FGF1: variants seen among roughly 807,000 people sequenced by gnomAD.
FGF1 encodes beta-endothelial cell growth factor.
FGF1 carries 9 observed loss-of-function variants against 13.4 expected under a neutral mutation model. That is an observed-to-expected ratio of 0.67 (90% CI 0.40 to 1.17). The LOEUF (loss-of-function observed/expected upper bound fraction) is 1.17. FGF1 is among the 50% of genes most tolerant of loss of function. The pLI, the probability that FGF1 is intolerant of heterozygous loss-of-function variation, is 0.01. For synonymous variants in FGF1, 93 were observed against 79.0 expected (o/e 1.18, Z -0.94); for missense variants, 156 against 192.7 (o/e 0.81, Z 1.13).
At chr5:142,688,106 T>C (rs560371560), upstream of FGF1, among the ~76,000 whole-genome samples, 2 of 151,366 alleles carry the variant, frequency 1.3e-5, no homozygotes, top group Non-Finnish European at 2.9e-5. Context: ...CACACACACA[T>C]ACACACACAG....
At position 142,612,617 on chromosome 5, in the gene FGF1, C is replaced by CTTT. The variant is rs77284157; in HGVS notation, c.169+1339_169+1341dup. Among the ~76,000 whole-genome samples, 1,365 of 148,524 alleles carry CTTT rather than the reference C, an allele frequency of 9.2e-3. 22 individuals carry two copies. Among genetic ancestry groups the CTTT allele is most frequent in the African/African-American group, 0.032 (1,298 of 40,634 alleles). On this transcript the variant is annotated intron_variant, in intron 2 of 3. Transcript: ENST00000337706. ...TGTATGCTATTTAACAAACTAGAGT[C>CTTT]TTTTTTTTTTGCCTCATTCTGACAC...
intron 2 of FGF1, among the ~76,000 whole-genome samples, chr5:142,691,203 C>A (rs1752157998): frequency 6.6e-6 from 1 of 151,994 alleles, no homozygotes; most frequent in Non-Finnish European, 1.5e-5. Flanking sequence ...GGTGGATCAC[C>A]TGAGGTTAGG....
intron 1 of FGF1, among the ~76,000 whole-genome samples, chr5:142,648,362 A>G (rs1307864623): frequency 6.6e-6 from 1 of 152,184 alleles, no homozygotes; most frequent in Non-Finnish European, 1.5e-5. Flanking sequence ...TTGCAGGGAC[A>G]TGGATGAAGC....
intron 1 of FGF1, among the ~76,000 whole-genome samples, chr5:142,616,263 G>A (rs767434893): frequency 5.9e-5 from 9 of 152,096 alleles, no homozygotes; most frequent in Non-Finnish European, 1.2e-4. Context: ...TAATGTTTCT[G>A]GTACATTTTT....
At chr5:142,652,274 C>A (rs1392311697) in intron 1 of FGF1, among the ~76,000 whole-genome samples, 1 of 152,138 alleles carries the variant, frequency 6.6e-6, no homozygotes, top group Non-Finnish European at 1.5e-5. Flanking sequence ...TTCTTGTTAA[C>A]GTTTTTGAAG....
intron 2 of FGF1, among the ~76,000 whole-genome samples, chr5:142,693,080 C>T (rs886812428): frequency 1.3e-5 from 2 of 152,052 alleles, no homozygotes; most frequent in East Asian, 1.9e-4. Flanking sequence ...AAAAAACTCT[C>T]CTGGTTTAGA....
intron 2 of FGF1, among the ~76,000 whole-genome samples, chr5:142,606,214 C>CTGTGTGTGTGTGTGTGTGTGTG (rs1283591761): frequency 2.0e-4 from 14 of 71,094 alleles, no homozygotes; most frequent in African/African-American, 6.2e-4. Context: ...CATTCTTTCT[C>CTGTGTGTGTGTGTGTGTGTGTG]TCTCTGTGTG....
At chr5:142,634,060 G>T (rs1488427265) in intron 1 of FGF1, among the ~76,000 whole-genome samples, 1 of 151,944 alleles carries the variant, frequency 6.6e-6, no homozygotes, top group Non-Finnish European at 1.5e-5. Flanking sequence ...GGACGTGGTG[G>T]CGGGCGCCTG....
intron 2 of FGF1, among the ~76,000 whole-genome samples, chr5:142,692,823 A>AAAAC (rs59345808): frequency 0.21 from 31,176 of 151,126 alleles, 3,328 homozygotes; most frequent in Non-Finnish European, 0.23. Context: ...CTATTTGGCA[A>AAAAC]AAACAAACAA....
In FGF1 at chr5:142,611,060, C is replaced by T. The variant is rs954029461; in HGVS notation, c.169+2899G>A. On this transcript the variant is annotated intron_variant, in intron 2 of 3. Coordinates refer to ENST00000337706, the MANE Select transcript of FGF1 (RefSeq NM_000800.5). ...ACGCTCTTTCTGAAGGAAGTCTTAA[C>T]GTGTGACTCTGTCACTTCAGTCTCT... is the stretch of plus-strand genomic sequence containing the variant. Among the ~76,000 whole-genome samples the T allele has an allele frequency of 4.6e-5, 7 of 152,210 alleles. No homozygotes were observed. The East Asian group carries it at 5.8e-4, about 13-fold the overall frequency.
upstream of FGF1, among the ~76,000 whole-genome samples, chr5:142,687,010 A>G (rs1336977839): frequency 6.6e-6 from 1 of 152,202 alleles, no homozygotes. Flanking sequence ...AAGGATATGG[A>G]TCAAGAGCTG....
intron 1 of FGF1, among the ~76,000 whole-genome samples, chr5:142,670,402 G>A (rs1435986205): frequency 1.3e-5 from 2 of 152,034 alleles, no homozygotes; most frequent in Non-Finnish European, 2.9e-5. Context: ...CATCCTTCAA[G>A]GCCTATGTCA....
intron 1 of FGF1, among the ~76,000 whole-genome samples, chr5:142,659,024 T>A (rs970076519): frequency 6.6e-6 from 1 of 152,152 alleles, no homozygotes; most frequent in Non-Finnish European, 1.5e-5. Flanking sequence ...TAACCAACAA[T>A]GCTGAAGCCT....
At chr5:142,603,908 A>T (rs73795021) in intron 2 of FGF1, among the ~76,000 whole-genome samples, 4,616 of 152,298 alleles carry the variant, frequency 0.03, 162 homozygotes, top group East Asian at 0.12. Flanking sequence ...GATACATGGA[A>T]TGCCAATAGA....
intron 1 of FGF1, among the ~76,000 whole-genome samples, chr5:142,628,818 CAA>C (rs1762869999): frequency 6.6e-6 from 1 of 152,136 alleles, no homozygotes; most frequent in Non-Finnish European, 1.5e-5. Context: ...GATTAGGCAA[CAA>C]GAGGTAAGGA....
At chr5:142,610,888 T>C (rs1055868869) in intron 2 of FGF1, among the ~76,000 whole-genome samples, 11 of 152,044 alleles carry the variant, frequency 7.2e-5, no homozygotes, top group African/African-American at 2.7e-4. Flanking sequence ...CTCCTAGAGG[T>C]AGGAAGAAGA....
intron 1 of FGF1, among the ~76,000 whole-genome samples, chr5:142,647,566 C>G (rs1368005205): frequency 6.6e-6 from 1 of 152,192 alleles, no homozygotes; most frequent in Non-Finnish European, 1.5e-5. Flanking sequence ...AGATGGTAGA[C>G]CACTCCACTC....
At chr5:142,620,179 A>C (rs936974758) in intron 1 of FGF1, among the ~76,000 whole-genome samples, 1 of 152,208 alleles carries the variant, frequency 6.6e-6, no homozygotes, top group African/African-American at 2.4e-5. Context: ...CCACTTTGGG[A>C]GGCCGAGGTG....
At chr5:142,647,226 GC>G (rs1208354279) in intron 1 of FGF1, among the ~76,000 whole-genome samples, 1 of 152,164 alleles carries the variant, frequency 6.6e-6, no homozygotes, top group South Asian at 2.1e-4. Context: ...TTGTGAAGTT[GC>G]CCCCTCACCA....
Sources: allele counts gnomAD v4.1 joint callset (sites outside exome capture counted in the v4.1 genomes callset), GRCh38; gene constraint gnomAD v4.1.1; transcripts MANE v1.5; gene names NCBI Gene and HGNC (gene_info 2026-07-23, HGNC 2026-07-21).